Variants in PCDHGB6 observed in about 807,000 individuals in gnomAD.
PCDHGB6 encodes the protein protocadherin gamma-B6.
In PCDHGB6, 51 loss-of-function variants were observed where a neutral mutation model predicts 59.1. The ratio of observed to expected loss-of-function variants is 0.86; its 90% confidence interval spans 0.69 to 1.09. PCDHGB6 has a LOEUF of 1.09. Ranked by LOEUF, PCDHGB6 falls within the 50% of genes least tolerant of loss-of-function variation. The pLI is 0.00. For synonymous variants in PCDHGB6, 466 were observed against 495.1 expected, an observed-to-expected ratio of 0.94 and a Z score of 0.78; for missense variants, 1,148 against 1,205.1, an observed-to-expected ratio of 0.95 and a Z score of 0.70.
chr5:141,489,293 T>G lies in PCDHGB6; in HGVS notation c.2419-5514T>G. The G allele has an allele frequency of 6.3e-7, 1 of 1,579,940 alleles. No homozygotes were observed. Among genetic ancestry groups the G allele is most frequent in the Non-Finnish European group, 8.6e-7 (1 of 1,162,928 alleles). ...GCTGGGAAATGGCAAGTGCTGTGCA[T>G]GTTGTCCTTGTGCTGCTGGGGCTGG... On this transcript the variant is annotated intron_variant, in intron 1 of 3. Transcript: ENST00000520790. This position sits in a 1 kb window ranked among gnomAD's most constrained non-coding sequence, Gnocchi z 4.5.
At chr5:141,427,938 G>A in intron 1 of PCDHGB6, 1 of 1,584,968 alleles carries the variant, frequency 6.3e-7, no homozygotes, top group South Asian at 1.1e-5. Context: ...GTTGGTGGGC[G>A]ACCTCAATGA....
At chr5:141,468,160 G>C (rs2099158881) in intron 1 of PCDHGB6, among the ~76,000 whole-genome samples, 1 of 151,468 alleles carries the variant, frequency 6.6e-6, no homozygotes, top group African/African-American at 2.4e-5. Context: ...CCCTGTCTCT[G>C]CTAAAAATAG....
chr5:141,434,277 A>G (rs760937958), intron 1 of PCDHGB6, among the ~76,000 whole-genome samples: 4 of 152,172 alleles, frequency 2.6e-5, no homozygotes, highest in Non-Finnish European at 4.4e-5. Flanking sequence ...AATTAGAGGT[A>G]TTCTCTGTTT....
intron 1 of PCDHGB6, chr5:141,441,988 A>G: frequency 3.7e-6 from 1 of 269,936 alleles, no homozygotes; most frequent in Non-Finnish European, 7.3e-6. Flanking sequence ...ATGCGCACCG[A>G]CGAGGTGCTG....
Position 141,490,013 on chromosome 5 carries a change from G to A in PCDHGB6, c.2419-4794G>A. 6.2e-7 allele frequency: 1 copy of A among 1,614,206 alleles called. No individual in the cohort carries two copies. The highest frequency in any genetic ancestry group is 1.1e-5 in the South Asian group (1 of 91,088). Reference sequence around the variant, plus strand: ...GGAATCCCAGAGAATGCACCCATTGGTACTCTGCTGCTCCGCCTCAATGCC... The same window carrying A: ...GGAATCCCAGAGAATGCACCCATTGATACTCTGCTGCTCCGCCTCAATGCC... On this transcript the variant is annotated intron_variant, in intron 1 of 3. Transcript: ENST00000520790. This position sits in a 1 kb window ranked among gnomAD's most constrained non-coding sequence, Gnocchi z 5.4.
In PCDHGB6 at chr5:141,431,508, G is replaced by A. The variant is rs774545870; in HGVS notation, c.2418+20888G>A. ...TTTGCTCAGCCCGAGTACCGCGCGA[G>A]CGTTCCGGAGAATCTGGCCTTGGGC... On this transcript the variant is annotated intron_variant, in intron 1 of 3. Coordinates refer to ENST00000520790, the MANE Select transcript of PCDHGB6 (RefSeq NM_018926.3). The surrounding 1 kb of genome is among the most constrained non-coding windows in gnomAD (Gnocchi z 4.8). 12 of 1,613,914 alleles carry A rather than the reference G, an allele frequency of 7.4e-6. No individual in the cohort carries two copies. Among genetic ancestry groups the A allele is most frequent in the East Asian group, 2.2e-5 (1 of 44,904 alleles).
At position 141,487,329 on chromosome 5, in the gene PCDHGB6, C is replaced by T; in HGVS notation, c.2419-7478C>T. On this transcript the variant is annotated intron_variant, in intron 1 of 3. Coordinates refer to ENST00000520790, the MANE Select transcript of PCDHGB6 (RefSeq NM_018926.3). This position sits in a 1 kb window ranked among gnomAD's most constrained non-coding sequence, Gnocchi z 5.0. Reference sequence around the variant, plus strand: ...CTACTCTCTAAGTGTCTTCGTGGGGCAGCCTGTGGAGTCACATGCTTTCCT... The same window carrying T: ...CTACTCTCTAAGTGTCTTCGTGGGGTAGCCTGTGGAGTCACATGCTTTCCT... 1 of 1,614,170 alleles carries T rather than the reference C, an allele frequency of 6.2e-7. No homozygotes were observed. The highest frequency in any genetic ancestry group is 1.1e-5 in the South Asian group (1 of 91,070).
At chr5:141,504,990 C>T (rs1056476591) in intron 2 of PCDHGB6, among the ~76,000 whole-genome samples, 3 of 151,976 alleles carry the variant, frequency 2.0e-5, no homozygotes, top group Non-Finnish European at 2.9e-5. Context: ...GGTGAAACCC[C>T]GTCTGTACTA....
chr5:141,465,574 C>T (rs1477852984), intron 1 of PCDHGB6, among the ~76,000 whole-genome samples: 2 of 152,160 alleles, frequency 1.3e-5, no homozygotes, highest in Admixed American at 1.3e-4. Context: ...TTTCTCAAAA[C>T]ACTCTCATAA....
At position 141,489,481 on chromosome 5, in the gene PCDHGB6, A is replaced by C; in HGVS notation, c.2419-5326A>C. 6.2e-7 allele frequency: 1 copy of C among 1,614,040 alleles called. No homozygotes were observed. The highest frequency in any genetic ancestry group is 8.5e-7 in the Non-Finnish European group (1 of 1,180,004). ...GCGCTATTTTTCCCTGAGCTTGATG[A>C]GTGGTGCCCTGGCAGTGAATCAAAA... is the stretch of plus-strand genomic sequence containing the variant. On this transcript the variant is annotated intron_variant, in intron 1 of 3. Transcript: ENST00000520790. The surrounding 1 kb of genome is among the most constrained non-coding windows in gnomAD (Gnocchi z 4.5).
chr5:141,421,888 C>T (rs1387624358), intron 1 of PCDHGB6: 5 of 1,613,746 alleles, frequency 3.1e-6, no homozygotes. Flanking sequence ...TGGAGGCGAT[C>T]CCATCCGAAA....
chr5:141,428,156 C>G, intron 1 of PCDHGB6: 2 of 1,579,884 alleles, frequency 1.3e-6, no homozygotes, highest in Non-Finnish European at 1.7e-6. Flanking sequence ...CGGGAACCTG[C>G]TGGTTGCTGT....
At chr5:141,452,421 C>A (rs1211472567) in intron 1 of PCDHGB6, among the ~76,000 whole-genome samples, 2 of 152,180 alleles carry the variant, frequency 1.3e-5, no homozygotes, top group Non-Finnish European at 2.9e-5. Context: ...ATGCTCACTG[C>A]TAATGGGCTG....
At position 141,511,227 on chromosome 5, in the gene PCDHGB6, TCTC is replaced by T. The variant is rs2099883680; in HGVS notation, c.*57_*59del. 2 of 1,599,470 alleles carry T rather than the reference TCTC, an allele frequency of 1.3e-6. No homozygotes were observed. Among genetic ancestry groups the T allele is most frequent in the Non-Finnish European group, 1.7e-6 (2 of 1,173,054 alleles). ...CGGCCTCTCCCCAACCAGCCCAGCTTCTCCTTACCTGCACCCAGGCCTCAGAGT... is the reference window on the plus strand; with the variant it reads ...CGGCCTCTCCCCAACCAGCCCAGCTTCTTACCTGCACCCAGGCCTCAGAGT... On this transcript the variant is annotated 3_prime_UTR_variant, in exon 4 of 4. Transcript: ENST00000520790.
At chr5:141,414,856 G>C (rs1269714202) in intron 1 of PCDHGB6, 2 of 1,614,216 alleles carry the variant, frequency 1.2e-6, no homozygotes, top group Non-Finnish European at 8.5e-7. Flanking sequence ...GGACCAGAAC[G>C]ACAATGCGCC....
intron 2 of PCDHGB6, among the ~76,000 whole-genome samples, chr5:141,497,212 G>A (rs968445663): frequency 6.6e-6 from 1 of 150,900 alleles, no homozygotes; most frequent in Non-Finnish European, 1.5e-5. Flanking sequence ...AGTGTAATGG[G>A]GGGGGGAAGA....
At chr5:141,450,730 G>A (rs1046738914) in intron 1 of PCDHGB6, among the ~76,000 whole-genome samples, 10 of 152,024 alleles carry the variant, frequency 6.6e-5, no homozygotes, top group Non-Finnish European at 1.2e-4. Flanking sequence ...CAGGTGATCC[G>A]CCCGCCTTGG....
At position 141,511,127 on chromosome 5, in the gene PCDHGB6, G is replaced by C; in HGVS notation, c.2747G>C (p.Gly916Ala). 1 of 1,614,194 alleles carries C rather than the reference G, an allele frequency of 6.2e-7. No individual in the cohort carries two copies. Among genetic ancestry groups the C allele is most frequent in the Non-Finnish European group, 8.5e-7 (1 of 1,180,018 alleles). The change falls in exon 4 of 4, where the codon GGT becomes GCT. Residue 916 changes from glycine to alanine, a missense_variant. Coordinates refer to ENST00000520790, the MANE Select transcript of PCDHGB6 (RefSeq NM_018926.3). ...AGKRDGKAPA[G>A]GNGNKKKSGK... ...AAGCGGGATGGCAAGGCCCCAGCAG[G>C]TGGCAATGGCAACAAGAAGAAGTCG...
Position 141,511,207 on chromosome 5 carries a change from T to A in PCDHGB6, c.*34T>A, listed in dbSNP as rs773761839. ...CCAGGCCAAGAGCCACAGGGCGGCC[T>A]CTCCCCAACCAGCCCAGCTTCTCCT... On this transcript the variant is annotated 3_prime_UTR_variant, in exon 4 of 4. Transcript: ENST00000520790. 1 of 1,611,162 alleles carries A rather than the reference T, an allele frequency of 6.2e-7. No individual in the cohort carries two copies. The highest frequency in any genetic ancestry group is 1.1e-5 in the South Asian group (1 of 90,702).
Sources: allele counts gnomAD v4.1 joint callset (sites outside exome capture counted in the v4.1 genomes callset), GRCh38; gene constraint gnomAD v4.1.1; non-coding constraint Gnocchi (gnomAD v3.1); transcripts MANE v1.5; gene names NCBI Gene and HGNC (gene_info 2026-07-23, HGNC 2026-07-21).